The following PPP4R2 variants were observed in gnomAD, a reference collection of about 807,000 sequenced individuals.
PPP4R2 encodes the protein serine/threonine-protein phosphatase 4 regulatory subunit 2.
Under a neutral mutation model 47.2 loss-of-function variants are expected in PPP4R2, and 13 were observed. The observed-to-expected ratio is 0.28, with a 90% confidence interval of 0.18 to 0.44. The LOEUF is 0.44. Ranked by LOEUF, PPP4R2 falls within the 20% of genes least tolerant of loss-of-function variation. PPP4R2 has a pLI of 1.00. For synonymous variants in PPP4R2, 151 were observed against 163.3 expected (o/e 0.92, Z 0.57); for missense variants, 421 against 491.2 (o/e 0.86, Z 1.35).
At chr3:73,036,043 A>C (rs922079283) in intron 2 of PPP4R2, among the ~76,000 whole-genome samples, 1 of 152,252 alleles carries the variant, frequency 6.6e-6, no homozygotes, top group African/African-American at 2.4e-5. Context: ...ACACAGTGAA[A>C]TACAGTCCAA....
chr3:72,997,317 G>C, intron 1 of PPP4R2: 1 of 390,524 alleles, frequency 2.6e-6, no homozygotes. Flanking sequence ...AAACTCTTGC[G>C]GGGGCCCCAG....
Position 73,067,994 on chromosome 3 carries a change from G to C in PPP4R2, c.*2272G>C, listed in dbSNP as rs979659600. 1 of 152,106 alleles carries C rather than the reference G, an allele frequency of 6.6e-6. No homozygotes were observed. The highest frequency in any genetic ancestry group is 1.5e-5 in the Non-Finnish European group (1 of 68,002). The allele number at this position is 152,106 out of a possible 1,614,324, so 9.4% of individuals were successfully genotyped here. On this transcript the variant is annotated 3_prime_UTR_variant, in exon 9 of 9. Transcript: ENST00000356692. ...GTTGCTGTTTATACAGATAATTGTA[G>C]AATGCTCATGGAATATCTTTAGGGT...
At chr3:73,035,675 A>ATT in intron 2 of PPP4R2, among the ~76,000 whole-genome samples, 1 of 151,962 alleles carries the variant, frequency 6.6e-6, no homozygotes, top group Non-Finnish European at 1.5e-5. Context: ...CCCAGGCTGG[A>ATT]GTGCAGTGGC....
chr3:73,064,030 C>G lies in PPP4R2; in HGVS notation c.522C>G (p.Pro174=). The G allele has an allele frequency of 1.2e-6, 2 of 1,611,194 alleles. No individual in the cohort carries two copies. Among genetic ancestry groups the G allele is most frequent in the South Asian group, 1.1e-5 (1 of 90,648 alleles). The part of the protein sequence containing the change: ...ERSNINGPGT[P]RPLNRPKVSL... The stretch of plus-strand genomic sequence containing the variant: ...CTAATATAAATGGGCCTGGGACACC[C>G]AGGCCACTTAATCGACCAAAGGTTT... The change falls in exon 7 of 9, where the codon CCC becomes CCG. Residue 174 remains proline, a synonymous_variant. Transcript: ENST00000356692.
intron 2 of PPP4R2, among the ~76,000 whole-genome samples, chr3:73,040,274 T>C (rs894074356): frequency 3.9e-5 from 6 of 152,196 alleles, no homozygotes; most frequent in Non-Finnish European, 7.3e-5. Flanking sequence ...AACATGTTGC[T>C]TTATATTACT....
chr3:73,029,504 G>A (rs558058718), intron 2 of PPP4R2, among the ~76,000 whole-genome samples: 1 of 152,266 alleles, frequency 6.6e-6, no homozygotes, highest in African/African-American at 2.4e-5. Flanking sequence ...AAGAAAGAAA[G>A]GAGTCAGTAG....
At chr3:73,046,237 C>A (rs1575874814) in intron 2 of PPP4R2, among the ~76,000 whole-genome samples, 1 of 152,170 alleles carries the variant, frequency 6.6e-6, no homozygotes, top group South Asian at 2.1e-4. Flanking sequence ...ATTCTTTTGA[C>A]AATAGCTTTG....
At chr3:72,997,295 G>C (rs2107186114) in intron 1 of PPP4R2, 1 of 403,124 alleles carries the variant, frequency 2.5e-6, no homozygotes, top group Non-Finnish European at 4.5e-6. Context: ...GGCTGGGGGA[G>C]GGGAGCCGGG....
chr3:73,058,109 T>C, intron 3 of PPP4R2, among the ~76,000 whole-genome samples: 1 of 57,980 alleles, frequency 1.7e-5, no homozygotes, highest in Admixed American at 1.4e-4. Flanking sequence ...AACTTAAAAA[T>C]ATTTATAAAA....
Position 73,020,161 on chromosome 3 carries a change from G to A in PPP4R2, c.116+22003G>A, listed in dbSNP as rs144182091. Among the ~76,000 whole-genome samples, 1,051 of 152,246 alleles carry A rather than the reference G, an allele frequency of 6.9e-3. 4 individuals carry two copies. Among genetic ancestry groups the A allele is most frequent in the Middle Eastern group, 0.014 (4 of 292 alleles). On this transcript the variant is annotated intron_variant, in intron 2 of 8. Transcript: ENST00000356692. ...AAGATAAGTGTGCCAGCATAGTCAG[G>A]TTATGTGGTAAGGCTTTCTTCCTGG...
At chr3:73,058,996 T>G in intron 3 of PPP4R2, 41 bp from the exon 4 acceptor site, 1 of 1,178,596 alleles carries the variant, frequency 8.5e-7, no homozygotes, top group Non-Finnish European at 1.2e-6. Flanking sequence ...GTTTTCTTGA[T>G]TATCAGTGAT....
At chr3:73,012,942 A>G (rs921345602) in intron 2 of PPP4R2, among the ~76,000 whole-genome samples, 5 of 148,694 alleles carry the variant, frequency 3.4e-5, no homozygotes, top group Admixed American at 2.7e-4. Context: ...ACCAGTGAAT[A>G]CTAGTGGTGA....
At chr3:73,019,806 A>T (rs888652765) in intron 2 of PPP4R2, among the ~76,000 whole-genome samples, 1 of 152,138 alleles carries the variant, frequency 6.6e-6, no homozygotes, top group Admixed American at 6.5e-5. Context: ...CAATTTCCAT[A>T]TGTCCAGATT....
At chr3:73,047,399 AGAT>A in intron 3 of PPP4R2, 43 bp downstream of exon 3, 1 of 1,306,462 alleles carries the variant, frequency 7.7e-7, no homozygotes, top group Non-Finnish European at 1.1e-6. Context: ...TTTTAGCAGA[AGAT>A]GAATAGATTT....
At chr3:73,013,062 A>G (rs1022704540) in intron 2 of PPP4R2, among the ~76,000 whole-genome samples, 2 of 151,978 alleles carry the variant, frequency 1.3e-5, no homozygotes, top group Admixed American at 6.6e-5. Flanking sequence ...TGTTCATAGT[A>G]GAGAGTTTTT....
chr3:73,061,938 A>G (rs1222395280), intron 5 of PPP4R2: 14 of 614,456 alleles, frequency 2.3e-5, no homozygotes, highest in South Asian at 1.5e-4. Flanking sequence ...ATCCCATACT[A>G]TATTTCTTGA....
intron 5 of PPP4R2, chr3:73,062,515 T>G: frequency 1.2e-6 from 2 of 1,613,884 alleles, no homozygotes; most frequent in African/African-American, 1.3e-5. Flanking sequence ...AGTGTTGGTG[T>G]GAGCAAGAGG....
At chr3:73,055,067 T>A (rs1702701989) in intron 3 of PPP4R2, among the ~76,000 whole-genome samples, 1 of 152,038 alleles carries the variant, frequency 6.6e-6, no homozygotes, top group African/African-American at 2.4e-5. Context: ...TAAGGTAAAA[T>A]GTGTGGTCCT....
At chr3:73,010,527 A>G (rs186573267) in intron 2 of PPP4R2, among the ~76,000 whole-genome samples, 6 of 150,140 alleles carry the variant, frequency 4.0e-5, no homozygotes, top group East Asian at 4.0e-4. Flanking sequence ...TTAAAACTCT[A>G]CTTCTTTCAG....
Sources: allele counts gnomAD v4.1 joint callset (sites outside exome capture counted in the v4.1 genomes callset), GRCh38; gene constraint gnomAD v4.1.1; transcripts MANE v1.5; gene names NCBI Gene and HGNC (gene_info 2026-07-23, HGNC 2026-07-21).